PTPRK: variants seen among roughly 807,000 people sequenced by gnomAD.
PTPRK encodes protein tyrosine phosphatase receptor type K.
PTPRK carries 75 observed loss-of-function variants against 178.0 expected under a neutral mutation model. That is an observed-to-expected ratio of 0.42 (90% confidence interval 0.35 to 0.51). PTPRK has a LOEUF of 0.51. Among genes scored for constraint, PTPRK ranks in the 20% least tolerant of loss-of-function variants. The pLI is 0.02. For missense variants in PTPRK, 1,441 were observed against 1,797.8 expected, an observed-to-expected ratio of 0.80 and a Z score of 3.59; for synonymous variants, 637 against 620.6, an observed-to-expected ratio of 1.03 and a Z score of -0.39.
chr6:128,336,678 T>A (rs1830977627), intron 2 of PTPRK, among the ~76,000 whole-genome samples: 2 of 152,172 alleles, frequency 1.3e-5, no homozygotes, highest in South Asian at 4.1e-4. Context: ...TCTCAAACAT[T>A]TTCTTCTTCT....
chr6:128,460,574 T>G (rs1305532989), intron 1 of PTPRK, among the ~76,000 whole-genome samples: 1 of 152,072 alleles, frequency 6.6e-6, no homozygotes, highest in African/African-American at 2.4e-5. Context: ...CCCTTTTCCT[T>G]CCAAAAGAAG....
At position 128,454,445 on chromosome 6, in the gene PTPRK, A is replaced by G. The variant is rs138114444; in HGVS notation, c.101-56757T>C. 2.0e-5 allele frequency among the ~76,000 whole-genome samples: 3 copies of G among 152,332 alleles called. No individual in the cohort carries two copies. In the East Asian group the frequency reaches 5.8e-4, roughly 29 times the overall value. On this transcript the variant is annotated intron_variant, in intron 1 of 29. Transcript: ENST00000368226. The stretch of plus-strand genomic sequence containing the variant: ...TAGGCCAGGCTAATGCTAACCAGCC[A>G]TCTTTTTGCTTTATCAATACCTTAT...
chr6:128,165,334 C>T (rs1314629067), intron 7 of PTPRK, among the ~76,000 whole-genome samples: 4 of 151,250 alleles, frequency 2.6e-5, no homozygotes, highest in African/African-American at 7.3e-5. Flanking sequence ...AATTCTTCCC[C>T]TTTTTCCTCT....
At chr6:128,139,070 G>A (rs1466028598) in intron 7 of PTPRK, among the ~76,000 whole-genome samples, 1 of 152,146 alleles carries the variant, frequency 6.6e-6, no homozygotes, top group Middle Eastern at 3.4e-3. Context: ...GAGAAAAATA[G>A]CATGAAGTCA....
chr6:128,516,317 C>T (rs1858008942), intron 1 of PTPRK, among the ~76,000 whole-genome samples: 1 of 152,030 alleles, frequency 6.6e-6, no homozygotes. Context: ...CTCCTCTTTC[C>T]GTCTGGGTAG....
At chr6:128,226,687 A>G (rs1347981608) in intron 5 of PTPRK, among the ~76,000 whole-genome samples, 1 of 150,854 alleles carries the variant, frequency 6.6e-6, no homozygotes, top group Non-Finnish European at 1.5e-5. Context: ...AAGCACATAA[A>G]CCAATTCCTT....
At chr6:128,229,695 T>C (rs1471852146) in intron 5 of PTPRK, among the ~76,000 whole-genome samples, 3 of 152,206 alleles carry the variant, frequency 2.0e-5, no homozygotes, top group East Asian at 1.9e-4. Flanking sequence ...TAAGCAAATA[T>C]GGGACGATTT....
chr6:128,087,619 G>A (rs80123462), intron 8 of PTPRK, among the ~76,000 whole-genome samples: 42 of 152,144 alleles, frequency 2.8e-4, no homozygotes, highest in African/African-American at 9.9e-4. Flanking sequence ...GAAAGGGGGT[G>A]TTGTTTAAAT....
At chr6:128,118,820 C>T (rs1791985392) in intron 7 of PTPRK, among the ~76,000 whole-genome samples, 1 of 152,280 alleles carries the variant, frequency 6.6e-6, no homozygotes, top group East Asian at 1.9e-4. Flanking sequence ...AGAAAATTTT[C>T]CTCTTAATCC....
chr6:127,970,363 A>G, intron 29 of PTPRK, 83 bp from the exon 30 acceptor site: 2 of 1,105,332 alleles, frequency 1.8e-6, no homozygotes, highest in South Asian at 2.8e-5. Context: ...GAAACTTGAC[A>G]ACCAATTTAG....
chr6:128,495,558 G>C (rs1338520690), intron 1 of PTPRK, among the ~76,000 whole-genome samples: 1 of 151,808 alleles, frequency 6.6e-6, no homozygotes, highest in Non-Finnish European at 1.5e-5. Context: ...CTACTAGCAT[G>C]CTCCATCACT....
intron 1 of PTPRK, among the ~76,000 whole-genome samples, chr6:128,444,575 CT>C (rs1198273766): frequency 6.6e-6 from 1 of 152,190 alleles, no homozygotes; most frequent in Non-Finnish European, 1.5e-5. Context: ...GCTTTAACTA[CT>C]GTGCAGCTCT....
At chr6:128,436,827 C>T (rs1019861367) in intron 1 of PTPRK, among the ~76,000 whole-genome samples, 2 of 151,922 alleles carry the variant, frequency 1.3e-5, no homozygotes, top group Non-Finnish European at 2.9e-5. Context: ...ATGGTGGCTG[C>T]CAGGGTATGA....
intron 8 of PTPRK, among the ~76,000 whole-genome samples, chr6:128,086,201 T>C (rs748905736): frequency 2.6e-5 from 4 of 152,266 alleles, no homozygotes; most frequent in Non-Finnish European, 5.9e-5. Flanking sequence ...ACTCTCAAAA[T>C]GGAAAAGAGA....
At chr6:128,171,247 G>A (rs1056733309) in intron 7 of PTPRK, among the ~76,000 whole-genome samples, 3 of 151,944 alleles carry the variant, frequency 2.0e-5, no homozygotes, top group Non-Finnish European at 4.4e-5. Context: ...AACTAGGTTT[G>A]AGTGACAAAA....
intron 6 of PTPRK, among the ~76,000 whole-genome samples, chr6:128,201,703 T>A (rs1045575246): frequency 6.6e-6 from 1 of 151,876 alleles, no homozygotes; most frequent in African/African-American, 2.4e-5. Flanking sequence ...TATTAAAAAA[T>A]ATATATATTT....
intron 3 of PTPRK, among the ~76,000 whole-genome samples, chr6:128,317,926 A>C (rs1828246653): frequency 6.6e-6 from 1 of 152,230 alleles, no homozygotes. Flanking sequence ...CTATGGAAGA[A>C]AGCTAGGAGA....
chr6:128,069,835 T>G (rs6938574), intron 11 of PTPRK, among the ~76,000 whole-genome samples: 16 of 151,946 alleles, frequency 1.1e-4, no homozygotes, highest in African/African-American at 3.6e-4. Context: ...CTTGTCTATC[T>G]AGATCTGTGA....
At chr6:128,472,417 G>T (rs1464693336) in intron 1 of PTPRK, among the ~76,000 whole-genome samples, 1 of 103,858 alleles carries the variant, frequency 9.6e-6, no homozygotes, top group Non-Finnish European at 1.8e-5. Context: ...CTGAATTTTT[G>T]ACACCCCCCC....
Sources: gnomAD v4.1 joint callset for allele counts (sites outside exome capture counted in the v4.1 genomes callset) on GRCh38, gnomAD v4.1.1 for gene constraint, MANE v1.5 for transcripts, NCBI Gene and HGNC (gene_info 2026-07-23, HGNC 2026-07-21) for gene names.